DENND2A: variants seen among roughly 807,000 people sequenced by gnomAD.
The protein encoded by DENND2A is DENN domain-containing protein 2A.
DENND2A carries 53 observed loss-of-function variants against 105.3 expected under a neutral mutation model. The observed-to-expected ratio is 0.50, with a 90% CI of 0.40 to 0.63. The LOEUF (loss-of-function observed/expected upper bound fraction) is 0.63. DENND2A is among the 30% of genes least tolerant of loss of function. The probability of loss-of-function intolerance (pLI) is 0.00; values close to 1 mark genes in which losing one functional copy is unlikely to be tolerated. For synonymous variants in DENND2A, 522 were observed against 508.4 expected (o/e 1.03, Z -0.36); for missense variants, 1,138 against 1,279.6 (o/e 0.89, Z 1.69).
intron 1 of DENND2A, among the ~76,000 whole-genome samples, chr7:140,634,100 A>G (rs269254): frequency 0.022 from 3,297 of 149,978 alleles, 118 homozygotes; most frequent in African/African-American, 0.076. Flanking sequence ...CCGGGTTCAC[A>G]CCATTGTCCT....
intron 14 of DENND2A, among the ~76,000 whole-genome samples, chr7:140,533,043 G>C (rs1796323199): frequency 6.8e-6 from 1 of 147,214 alleles, no homozygotes; most frequent in Non-Finnish European, 1.5e-5. Flanking sequence ...CCAGGCTGGA[G>C]TGCGGTGGCA....
chr7:140,616,612 C>T (rs1585763540), intron 1 of DENND2A, among the ~76,000 whole-genome samples: 2 of 151,802 alleles, frequency 1.3e-5, no homozygotes, highest in South Asian at 2.1e-4. Flanking sequence ...CCAATAAAGC[C>T]ATTATTTAAA....
At chr7:140,608,318 T>A (rs760181259) in intron 1 of DENND2A, among the ~76,000 whole-genome samples, 2 of 152,158 alleles carry the variant, frequency 1.3e-5, no homozygotes, top group Admixed American at 6.5e-5. Context: ...ATTTCTGAAT[T>A]CACAAAGATA....
chr7:140,640,532 C>A lies in DENND2A; in HGVS notation c.-276G>T. 6.6e-6 allele frequency: 1 copy of A among 151,398 alleles called. No individual in the cohort carries two copies. Among genetic ancestry groups the A allele is most frequent in the South Asian group, 1.9e-4 (1 of 5,338 alleles). 9.4% of individuals were successfully genotyped at this position (151,398 alleles called of 1,614,324 possible). A position where few individuals can be genotyped will look rare whatever the true frequency, so the allele number is the denominator to read the frequency against. ...CCCGCGGGCGGCGGCTCCGCGGGCT[C>A]TGGGGCGCATCTTGGGGGCTCCGGG... On this transcript the variant is annotated 5_prime_UTR_variant, in exon 1 of 20. Transcript: ENST00000496613. The surrounding 1 kb of genome is among the most constrained non-coding windows in gnomAD (Gnocchi z 4.9).
Position 140,544,612 on chromosome 7 carries a change from G to C in DENND2A, c.2327+6C>G. 1 of 1,614,162 alleles carries C rather than the reference G, an allele frequency of 6.2e-7. No homozygotes were observed. ...ACGCTTTAGCAGAAGTAGCCAAGGC[G>C]GGTACCTGAGCTTGTCTGCAATGAA... On this transcript the variant is annotated splice_donor_region_variant and intron_variant, in intron 14 of 19. Transcript: ENST00000496613.
At chr7:140,579,360 C>G (rs1798440105) in intron 5 of DENND2A, among the ~76,000 whole-genome samples, 1 of 151,294 alleles carries the variant, frequency 6.6e-6, no homozygotes, top group Admixed American at 6.6e-5. Flanking sequence ...TATAAAAAAG[C>G]ATCAAAACTG....
intron 9 of DENND2A, among the ~76,000 whole-genome samples, chr7:140,560,747 C>A (rs1013316362): frequency 2.6e-5 from 4 of 151,944 alleles, no homozygotes; most frequent in Non-Finnish European, 5.9e-5. Flanking sequence ...GCCTGGCCAA[C>A]ATGGGGAGAC....
rs142871828 is a variant in DENND2A at position 140,579,990 on chromosome 7, T to C, written c.1245+5599A>G. ...CTACTAAAAATACAAAAAAATTAGC[T>C]GGGCATGGTGGTGGACGCCCATAGT... On this transcript the variant is annotated intron_variant, in intron 5 of 19. Transcript: ENST00000496613. Among the ~76,000 whole-genome samples, 597 of 152,080 alleles carry C rather than the reference T, an allele frequency of 3.9e-3. 3 individuals are homozygous for C. Among genetic ancestry groups the C allele is most frequent in the African/African-American group, 0.013 (550 of 41,492 alleles).
intron 16 of DENND2A, among the ~76,000 whole-genome samples, chr7:140,524,376 G>A (rs1040495243): frequency 2.6e-5 from 4 of 152,138 alleles, no homozygotes; most frequent in Non-Finnish European, 4.4e-5. Flanking sequence ...GCTAGTGAAA[G>A]TAACTGATGA....
At position 140,554,204 on chromosome 7, in the gene DENND2A, G is replaced by A. The variant is rs145585544; in HGVS notation, c.2037+1432C>T. ...TCGCACCCTTGCACTCCAGCCTGGC[G>A]ACAGAACGAGACTCCGTCTCAAAAA... On this transcript the variant is annotated intron_variant, in intron 12 of 19. Transcript: ENST00000496613. Among the ~76,000 whole-genome samples, 1,381 of 150,942 alleles carry A rather than the reference G, an allele frequency of 9.1e-3. 14 individuals carry two copies. Among genetic ancestry groups the A allele is most frequent in the Non-Finnish European group, 0.015 (1,005 of 67,798 alleles).
At chr7:140,556,871 G>C (rs915178888) in intron 11 of DENND2A, among the ~76,000 whole-genome samples, 2 of 152,096 alleles carry the variant, frequency 1.3e-5, no homozygotes, top group African/African-American at 4.8e-5. Context: ...TCAAAAGAAT[G>C]GGCCTGAAAA....
chr7:140,544,397 G>A, intron 14 of DENND2A: 1 of 617,440 alleles, frequency 1.6e-6, no homozygotes, highest in Non-Finnish European at 2.9e-6. Context: ...GTTTCACCAT[G>A]TTGCACAGGC....
chr7:140,623,189 C>A lies in DENND2A; in HGVS notation c.-248+17315G>T, dbSNP rs546678535. ...AATTAGCCAGGTGTGGTGGCGGGTG[C>A]CTACAATCCCAGCTACTTGGGAGAC... On this transcript the variant is annotated intron_variant, in intron 1 of 19. Transcript: ENST00000496613. Among the ~76,000 whole-genome samples, 3 of 151,480 alleles carry A rather than the reference C, an allele frequency of 2.0e-5. No homozygotes were observed. In the South Asian group the frequency reaches 6.3e-4, roughly 32 times the overall value.
intron 1 of DENND2A, among the ~76,000 whole-genome samples, chr7:140,606,416 T>C (rs1303296631): frequency 6.6e-6 from 1 of 152,074 alleles, no homozygotes; most frequent in African/African-American, 2.4e-5. Flanking sequence ...AAAACATAAA[T>C]AACAACGAGA....
chr7:140,607,989 C>T (rs1025127915), intron 1 of DENND2A, among the ~76,000 whole-genome samples: 7 of 152,118 alleles, frequency 4.6e-5, no homozygotes, highest in Admixed American at 3.3e-4. Context: ...TCCTGTAACT[C>T]CCCCCATGCC....
chr7:140,570,874 T>G (rs997870913), intron 6 of DENND2A, among the ~76,000 whole-genome samples: 12 of 152,238 alleles, frequency 7.9e-5, no homozygotes, highest in African/African-American at 2.9e-4. Context: ...GTGTTTCCTA[T>G]GTATTTGTTT....
intron 1 of DENND2A, among the ~76,000 whole-genome samples, chr7:140,622,377 CAG>C (rs955396468): frequency 6.7e-5 from 10 of 150,170 alleles, no homozygotes; most frequent in African/African-American, 2.5e-4. Flanking sequence ...GCCTGGGCGA[CAG>C]AGCAAGACTC....
intron 14 of DENND2A, among the ~76,000 whole-genome samples, chr7:140,539,222 C>G (rs1174861619): frequency 6.6e-6 from 1 of 152,206 alleles, no homozygotes; most frequent in African/African-American, 2.4e-5. Context: ...CACTTCAATT[C>G]CCTATGGCTA....
intron 15 of DENND2A, among the ~76,000 whole-genome samples, chr7:140,526,749 C>T (rs577391032): frequency 2.6e-4 from 39 of 152,174 alleles, no homozygotes; most frequent in Admixed American, 7.2e-4. Context: ...GAGGGACAGG[C>T]GTTCCTCCTG....
Sources: gnomAD v4.1 joint callset for allele counts (sites outside exome capture counted in the v4.1 genomes callset) on GRCh38, gnomAD v4.1.1 for gene constraint, Gnocchi (gnomAD v3.1) non-coding constraint, MANE v1.5 for transcripts, NCBI Gene and HGNC (gene_info 2026-07-23, HGNC 2026-07-21) for gene names.